The following SUPT3H variants were observed in gnomAD, a reference collection of about 807,000 sequenced individuals.
SUPT3H encodes transcription initiation protein SPT3 homolog.
In SUPT3H, 44 loss-of-function variants were observed where a neutral mutation model predicts 44.3. That is an observed-to-expected ratio of 0.99 (90% CI 0.78 to 1.28). SUPT3H has a LOEUF of 1.28. Among genes scored for constraint, SUPT3H ranks in the 50% most tolerant of loss-of-function variants. The pLI is 0.00. For missense variants in SUPT3H, 380 were observed against 387.1 expected, an observed-to-expected ratio of 0.98 and a Z score of 0.15; for synonymous variants, 124 against 125.6, an observed-to-expected ratio of 0.99 and a Z score of 0.09.
At chr6:45,288,133 G>A (rs1779618094) in intron 2 of SUPT3H, among the ~76,000 whole-genome samples, 1 of 152,060 alleles carries the variant, frequency 6.6e-6, no homozygotes, top group Non-Finnish European at 1.5e-5. Flanking sequence ...GGTAGTTTCT[G>A]AGTTGACATC....
At chr6:45,201,273 G>A (rs1043980760) in intron 2 of SUPT3H, among the ~76,000 whole-genome samples, 5 of 151,570 alleles carry the variant, frequency 3.3e-5, no homozygotes, top group Non-Finnish European at 7.4e-5. Flanking sequence ...ATTGGTAAAT[G>A]CAAATAATCT....
intron 10 of SUPT3H, among the ~76,000 whole-genome samples, chr6:44,891,509 A>G (rs1359219064): frequency 6.6e-6 from 1 of 152,202 alleles, no homozygotes; most frequent in Non-Finnish European, 1.5e-5. Context: ...GAGACCACAT[A>G]TCATATAATT....
chr6:45,106,105 C>T (rs1368956330), intron 2 of SUPT3H, 99 bp from the exon 3 acceptor site: 3 of 1,032,212 alleles, frequency 2.9e-6, no homozygotes, highest in Non-Finnish European at 2.9e-6. Flanking sequence ...GTAAGGAGAA[C>T]ATAAATTGTT....
rs1477017913 is a variant in SUPT3H at position 44,814,143 on chromosome 6, AG to A, written c.*53-4643del. The stretch of plus-strand genomic sequence containing the variant: ...ACAACAGGCTGACAACCAAAATGAC[AG>A]AGGCCAAAAGAGAAGGAAATAAGTC... On this transcript the variant is annotated intron_variant and NMD_transcript_variant, in intron 11 of 11. Transcript: ENST00000475057. 3.3e-5 allele frequency among the ~76,000 whole-genome samples: 5 copies of A among 152,248 alleles called. No homozygotes were observed. In the East Asian group the frequency reaches 9.6e-4, roughly 29 times the overall value.
At chr6:45,177,294 C>A (rs1167543939) in intron 2 of SUPT3H, among the ~76,000 whole-genome samples, 1 of 151,954 alleles carries the variant, frequency 6.6e-6, no homozygotes, top group East Asian at 1.9e-4. Context: ...GGAGCCAATG[C>A]GATCAACTGG....
At chr6:45,105,398 TCAGA>T (rs1464287888) in intron 3 of SUPT3H, among the ~76,000 whole-genome samples, 1 of 152,074 alleles carries the variant, frequency 6.6e-6, no homozygotes, top group Non-Finnish European at 1.5e-5. Context: ...ATAAAGTGAG[TCAGA>T]CAAATTTTTT....
chr6:45,188,712 A>G (rs1814653677), intron 2 of SUPT3H, among the ~76,000 whole-genome samples: 2 of 152,190 alleles, frequency 1.3e-5, no homozygotes, highest in African/African-American at 4.8e-5. Context: ...AAAATCATTC[A>G]ACATAATTCA....
chr6:45,294,128 C>T (rs1422214283), intron 2 of SUPT3H, among the ~76,000 whole-genome samples: 1 of 152,110 alleles, frequency 6.6e-6, no homozygotes, highest in Non-Finnish European at 1.5e-5. Context: ...ATCAAAAAGA[C>T]AATTCACTAT....
Position 44,954,625 on chromosome 6 carries a change from AC to A in SUPT3H, c.581-19del. 6.6e-7 allele frequency: 1 copy of A among 1,510,996 alleles called. No homozygotes were observed. The highest frequency in any genetic ancestry group is 9.2e-7 in the Non-Finnish European group (1 of 1,089,410). 93.6% of individuals were successfully genotyped at this position (1,510,996 alleles called of 1,614,324 possible). On this transcript the variant is annotated intron_variant, in intron 7 of 10. Coordinates refer to ENST00000371459, the MANE Select transcript of SUPT3H (RefSeq NM_003599.4). ...TTTTTTGGCTGGCCATTTAAAAAAA[AC>A]AAGTGCAGAAATTTTAATTTTTAAA...
Position 44,840,351 on chromosome 6 carries a change from C to T in SUPT3H, c.913-10494G>A, listed in dbSNP as rs993810232. Among the ~76,000 whole-genome samples the T allele has an allele frequency of 6.6e-5, 10 of 152,174 alleles. No homozygotes were observed. In the South Asian group the frequency reaches 2.1e-3, roughly 32 times the overall value. On this transcript the variant is annotated intron_variant, in intron 10 of 10. Transcript: ENST00000371459. ...TGGGAGTGACTGGGTAAGCTGGTCT[C>T]ACCACTTTCGGGACTGCCTGGCCTC...
chr6:45,249,017 C>T (rs1395189097), intron 2 of SUPT3H, among the ~76,000 whole-genome samples: 2 of 151,930 alleles, frequency 1.3e-5, no homozygotes, highest in Admixed American at 6.6e-5. Flanking sequence ...TAAGTATATA[C>T]GTACCATGCA....
intron 10 of SUPT3H, among the ~76,000 whole-genome samples, chr6:44,837,710 G>A (rs1427447394): frequency 6.6e-6 from 1 of 152,116 alleles, no homozygotes; most frequent in Non-Finnish European, 1.5e-5. Flanking sequence ...GCCAGAAAAA[G>A]AATATTCAAT....
chr6:45,360,528 A>G (rs11966878), intron 2 of SUPT3H, among the ~76,000 whole-genome samples: 33,348 of 151,964 alleles, frequency 0.22, 4,480 homozygotes, highest in Non-Finnish European at 0.31. Context: ...TTCAGAGACT[A>G]TACATATCAG....
At chr6:44,968,216 T>C (rs17423511) in intron 6 of SUPT3H, among the ~76,000 whole-genome samples, 2,720 of 152,268 alleles carry the variant, frequency 0.018, 43 homozygotes, top group South Asian at 0.039. Context: ...AACAATCTCA[T>C]GTTCAATAGG....
chr6:45,286,913 T>TA (rs1215667236), intron 2 of SUPT3H, among the ~76,000 whole-genome samples: 1 of 152,130 alleles, frequency 6.6e-6, no homozygotes, highest in Non-Finnish European at 1.5e-5. Context: ...TATGCAGCCC[T>TA]AAAAAATGAT....
In SUPT3H at chr6:45,367,458, T is replaced by TA. The variant is rs929113976; in HGVS notation, c.1-2158dup. On this transcript the variant is annotated intron_variant, in intron 1 of 10. Transcript: ENST00000371459. ...AAACATAACCATTTGAGACTCGGAT[T>TA]AAAAAAAAAAATCACAAGTCCAAGA... Among the ~76,000 whole-genome samples the TA allele has an allele frequency of 1.6e-3, 229 of 146,278 alleles. 1 individual carries two copies. Among genetic ancestry groups the TA allele is most frequent in the Admixed American group, 3.6e-3 (53 of 14,650 alleles).
chr6:44,982,262 C>T (rs1357207609), intron 6 of SUPT3H, among the ~76,000 whole-genome samples: 7 of 152,018 alleles, frequency 4.6e-5, no homozygotes, highest in African/African-American at 1.2e-4. Context: ...CTCGCTCTGT[C>T]GCCCAGGCTG....
chr6:45,279,185 G>A lies in SUPT3H; in HGVS notation c.101+86016C>T, dbSNP rs867232244. On this transcript the variant is annotated intron_variant, in intron 2 of 10. Coordinates refer to ENST00000371459, the MANE Select transcript of SUPT3H (RefSeq NM_003599.4). ...TATCTAAAATCTTTTGACCCAAAAT[G>A]GGATTAATGAAACCAAATTATGACA... is the stretch of plus-strand genomic sequence containing the variant. Among the ~76,000 whole-genome samples, 4 of 152,220 alleles carry A rather than the reference G, an allele frequency of 2.6e-5. No individual in the cohort carries two copies. In the South Asian group the frequency reaches 6.2e-4, roughly 24 times the overall value.
At chr6:45,153,839 G>A (rs1377862225) in intron 2 of SUPT3H, among the ~76,000 whole-genome samples, 7 of 151,754 alleles carry the variant, frequency 4.6e-5, no homozygotes, top group Non-Finnish European at 7.4e-5. Context: ...AGGCTGAGGC[G>A]GGTGGATCAG....
Sources: gnomAD v4.1 joint callset for allele counts (sites outside exome capture counted in the v4.1 genomes callset) on GRCh38, gnomAD v4.1.1 for gene constraint, MANE v1.5 for transcripts, NCBI Gene and HGNC (gene_info 2026-07-23, HGNC 2026-07-21) for gene names.